BAZ1A: variants seen among roughly 807,000 people sequenced by gnomAD.
The protein encoded by BAZ1A is bromodomain adjacent to zinc finger domain protein 1A.
BAZ1A carries 50 observed loss-of-function variants against 185.2 expected under a neutral mutation model. The observed-to-expected ratio is 0.27, with a 90% CI of 0.22 to 0.34. BAZ1A has a LOEUF of 0.34. Ranked by LOEUF, BAZ1A falls within the 10% of genes least tolerant of loss-of-function variation. BAZ1A has a pLI of 1.00. For missense variants in BAZ1A, 1,356 were observed against 1,839.9 expected (o/e 0.74, Z 4.81); for synonymous variants, 571 against 615.6 (o/e 0.93, Z 1.07).
intron 3 of BAZ1A, among the ~76,000 whole-genome samples, chr14:34,838,293 A>G (rs1023805342): frequency 6.6e-6 from 1 of 152,234 alleles, no homozygotes; most frequent in Non-Finnish European, 1.5e-5. Context: ...ACATTTGTGT[A>G]AAATTCACTT....
chr14:34,855,066 G>C (rs1366511624), intron 3 of BAZ1A, among the ~76,000 whole-genome samples: 1 of 152,088 alleles, frequency 6.6e-6, no homozygotes, highest in Non-Finnish European at 1.5e-5. Flanking sequence ...GCGACAGAGT[G>C]TAACTACGTC....
chr14:34,774,763 G>A (rs1049138820), intron 18 of BAZ1A, among the ~76,000 whole-genome samples: 2 of 151,746 alleles, frequency 1.3e-5, no homozygotes, highest in Admixed American at 6.6e-5. Context: ...GCAACAGAGC[G>A]AGACCCTGTC....
intron 4 of BAZ1A, among the ~76,000 whole-genome samples, chr14:34,823,563 G>C (rs1349267056): frequency 6.6e-6 from 1 of 151,856 alleles, no homozygotes; most frequent in African/African-American, 2.4e-5. Flanking sequence ...GAGGGGCTGA[G>C]GCAGGAGAAT....
intron 2 of BAZ1A, among the ~76,000 whole-genome samples, chr14:34,866,528 A>G (rs1052806704): frequency 3.4e-5 from 5 of 146,184 alleles, no homozygotes; most frequent in Non-Finnish European, 7.6e-5. Context: ...TTTTTCCTAT[A>G]GAAACAAACA....
intron 2 of BAZ1A, among the ~76,000 whole-genome samples, chr14:34,863,096 C>A (rs138638845): frequency 7.0e-6 from 1 of 143,818 alleles, no homozygotes; most frequent in Non-Finnish European, 1.5e-5. Context: ...TTAAGCGATT[C>A]TCCTGCCTCA....
chr14:34,861,999 A>C, intron 3 of BAZ1A, 45 bp downstream of exon 3: 1 of 1,579,584 alleles, frequency 6.3e-7, no homozygotes, highest in Admixed American at 1.7e-5. Flanking sequence ...ATTTTGAGCA[A>C]TGTGAATATA....
intron 4 of BAZ1A, among the ~76,000 whole-genome samples, chr14:34,812,251 GGA>G (rs1202637481): frequency 6.6e-6 from 1 of 151,916 alleles, no homozygotes; most frequent in East Asian, 1.9e-4. Context: ...CAAAAAAAAG[GGA>G]GCAACTCATG....
At chr14:34,824,325 G>A (rs1594877360) in intron 4 of BAZ1A, among the ~76,000 whole-genome samples, 1 of 120,232 alleles carries the variant, frequency 8.3e-6, no homozygotes, top group African/African-American at 3.2e-5. Context: ...AGTGAGCTAT[G>A]ATCTCACCAC....
intron 20 of BAZ1A, among the ~76,000 whole-genome samples, chr14:34,773,075 C>G (rs949587285): frequency 6.6e-6 from 1 of 151,816 alleles, no homozygotes; most frequent in Non-Finnish European, 1.5e-5. Context: ...CCACCATGCC[C>G]AGATAATTAA....
At chr14:34,754,417 CA>C (rs111245900) in intron 26 of BAZ1A, among the ~76,000 whole-genome samples, 90 of 104,870 alleles carry the variant, frequency 8.6e-4, no homozygotes, top group East Asian at 1.3e-3. Context: ...AGACGTATCT[CA>C]AAAAAAAAAA....
chr14:34,856,285 G>T (rs2042676249), intron 3 of BAZ1A, among the ~76,000 whole-genome samples: 1 of 126,402 alleles, frequency 7.9e-6, no homozygotes, highest in African/African-American at 2.9e-5. Flanking sequence ...GAACTCAAGA[G>T]CATCTTTTTT....
chr14:34,792,970 A>T, intron 11 of BAZ1A, 49 bp from the exon 12 acceptor site: 4 of 1,508,058 alleles, frequency 2.7e-6, no homozygotes, highest in Non-Finnish European at 2.7e-6. Context: ...TCATGTACTG[A>T]AAAAACAACT....
At chr14:34,848,909 G>A (rs2042556164) in intron 3 of BAZ1A, among the ~76,000 whole-genome samples, 1 of 152,142 alleles carries the variant, frequency 6.6e-6, no homozygotes, top group African/African-American at 2.4e-5. Flanking sequence ...CTCACACCAG[G>A]CTAGCAAAAG....
At chr14:34,857,544 T>C (rs1200200784) in intron 3 of BAZ1A, among the ~76,000 whole-genome samples, 1 of 152,114 alleles carries the variant, frequency 6.6e-6, no homozygotes, top group South Asian at 2.1e-4. Flanking sequence ...TTCCCACACA[T>C]TCCCCTGCCC....
chr14:34,823,152 A>G (rs772119708), intron 4 of BAZ1A, among the ~76,000 whole-genome samples: 21 of 151,712 alleles, frequency 1.4e-4, no homozygotes, highest in Non-Finnish European at 2.7e-4. Context: ...TCAGGAGTTC[A>G]AGACCTGCCT....
At chr14:34,759,171 G>GTTTTT (rs780287749) in intron 24 of BAZ1A, among the ~76,000 whole-genome samples, 2 of 66,468 alleles carry the variant, frequency 3.0e-5, no homozygotes, top group Admixed American at 2.2e-4. Flanking sequence ...TACAGCTACA[G>GTTTTT]TTTTTTTTTT....
chr14:34,780,557 T>A (rs970857239), intron 16 of BAZ1A, among the ~76,000 whole-genome samples: 26 of 152,232 alleles, frequency 1.7e-4, no homozygotes, highest in Non-Finnish European at 3.1e-4. Flanking sequence ...AACTGACTCT[T>A]AGGGATCAAA....
intron 3 of BAZ1A, among the ~76,000 whole-genome samples, chr14:34,849,482 G>A (rs1445515730): frequency 6.6e-6 from 1 of 152,016 alleles, no homozygotes; most frequent in Non-Finnish European, 1.5e-5. Context: ...TGAACTCCAG[G>A]CTTTCATCTT....
At chr14:34,760,310 G>A (rs1266258844) in intron 24 of BAZ1A, among the ~76,000 whole-genome samples, 4 of 152,108 alleles carry the variant, frequency 2.6e-5, no homozygotes, top group African/African-American at 9.7e-5. Context: ...AAGTGGATAG[G>A]AAAAGCTAAA....
Sources: allele counts gnomAD v4.1 joint callset (sites outside exome capture counted in the v4.1 genomes callset), GRCh38; gene constraint gnomAD v4.1.1; transcripts MANE v1.5; gene names NCBI Gene and HGNC (gene_info 2026-07-23, HGNC 2026-07-21).